CACNA2D1: variants seen among roughly 807,000 people sequenced by gnomAD.
CACNA2D1 encodes calcium voltage-gated channel auxiliary subunit alpha2delta 1, also known as voltage-dependent calcium channel subunit alpha-2/delta-1.
In CACNA2D1, 53 loss-of-function variants were observed where a neutral mutation model predicts 171.5. The observed-to-expected ratio is 0.31, with a 90% CI of 0.25 to 0.39. The LOEUF is 0.39. Ranked by LOEUF, CACNA2D1 falls within the 10% of genes least tolerant of loss-of-function variation. The pLI is 1.00. For synonymous variants in CACNA2D1, 442 were observed against 443.1 expected, an observed-to-expected ratio of 1.00 and a Z score of 0.03; for missense variants, 903 against 1,299.8, an observed-to-expected ratio of 0.69 and a Z score of 4.69.
At chr7:81,979,084 A>G (rs1005977325) in intron 24 of CACNA2D1, among the ~76,000 whole-genome samples, 6 of 152,030 alleles carry the variant, frequency 3.9e-5, no homozygotes, top group African/African-American at 1.4e-4. Context: ...ATGGTCACGT[A>G]TTGTATTGTT....
At chr7:82,014,753 T>C (rs1296454675) in intron 12 of CACNA2D1, among the ~76,000 whole-genome samples, 2 of 152,160 alleles carry the variant, frequency 1.3e-5, no homozygotes, top group Non-Finnish European at 2.9e-5. Context: ...GTTTCATTCA[T>C]AGAAAGTACA....
chr7:82,234,275 T>C (rs1490264550), intron 3 of CACNA2D1, among the ~76,000 whole-genome samples: 1 of 152,104 alleles, frequency 6.6e-6, no homozygotes, highest in Non-Finnish European at 1.5e-5. Flanking sequence ...ATACATAATA[T>C]ATGCTGTGTC....
intron 3 of CACNA2D1, among the ~76,000 whole-genome samples, chr7:82,329,758 G>A (rs966228928): frequency 6.6e-6 from 1 of 151,970 alleles, no homozygotes; most frequent in African/African-American, 2.4e-5. Context: ...CTGAGATATA[G>A]ACGTAGCAAA....
At chr7:82,388,628 G>T (rs1297718540) in intron 1 of CACNA2D1, among the ~76,000 whole-genome samples, 1 of 152,124 alleles carries the variant, frequency 6.6e-6, no homozygotes, top group Non-Finnish European at 1.5e-5. Context: ...GTGGGATTTT[G>T]ATTTCATGTG....
intron 10 of CACNA2D1, among the ~76,000 whole-genome samples, chr7:82,056,216 G>C (rs1468187366): frequency 6.6e-6 from 1 of 151,846 alleles, no homozygotes; most frequent in Non-Finnish European, 1.5e-5. Flanking sequence ...AATATGTTGT[G>C]GAAAATAAGT....
At chr7:82,321,527 A>G (rs375232338) in intron 3 of CACNA2D1, among the ~76,000 whole-genome samples, 21 of 152,330 alleles carry the variant, frequency 1.4e-4, no homozygotes, top group African/African-American at 5.1e-4. Flanking sequence ...TTCAAACACA[A>G]TAACATATCT....
intron 1 of CACNA2D1, among the ~76,000 whole-genome samples, chr7:82,361,576 T>C (rs961765345): frequency 3.3e-5 from 5 of 152,130 alleles, no homozygotes; most frequent in African/African-American, 1.2e-4. Context: ...ATCTTTAATG[T>C]ATTATATGTT....
intron 12 of CACNA2D1, 92 bp from the exon 13 acceptor site, chr7:82,014,571 G>A (rs1800193576): frequency 1.3e-6 from 1 of 748,762 alleles, no homozygotes; most frequent in African/African-American, 1.7e-5. Context: ...TGAAAAGAGT[G>A]CTTTCCAGTT....
At chr7:82,097,127 G>C (rs1021269737) in intron 6 of CACNA2D1, among the ~76,000 whole-genome samples, 3 of 152,090 alleles carry the variant, frequency 2.0e-5, no homozygotes, top group African/African-American at 7.2e-5. Flanking sequence ...CAGTGAACTC[G>C]CTGTACAGGC....
chr7:82,082,467 T>C (rs1024631420), intron 7 of CACNA2D1, among the ~76,000 whole-genome samples: 2 of 152,012 alleles, frequency 1.3e-5, no homozygotes, highest in South Asian at 4.1e-4. Context: ...TCATGTTGAT[T>C]GGTTTGTAAG....
At chr7:82,188,920 G>GA (rs1206894288) in intron 3 of CACNA2D1, among the ~76,000 whole-genome samples, 2 of 152,082 alleles carry the variant, frequency 1.3e-5, no homozygotes, top group African/African-American at 4.8e-5. Context: ...CACAAGAACA[G>GA]AAAACCAAAT....
At chr7:82,432,667 C>T (rs1438025456) in intron 1 of CACNA2D1, among the ~76,000 whole-genome samples, 2 of 152,182 alleles carry the variant, frequency 1.3e-5, no homozygotes, top group Non-Finnish European at 2.9e-5. Flanking sequence ...CTAGAGTTTA[C>T]TGTTTTCTTT....
At position 82,198,834 on chromosome 7, in the gene CACNA2D1, T is replaced by A. The variant is rs75101790; in HGVS notation, c.295-28225A>T. Among the ~76,000 whole-genome samples, 663 of 152,212 alleles carry A rather than the reference T, an allele frequency of 4.4e-3. 12 individuals are homozygous for A. The East Asian group carries it at 0.072, about 17-fold the overall frequency. ...TGTGACCTTCCTTTTTATTAAAAAC[T>A]AATGTGACACAGTTTTTGCAGGTTT... is the stretch of plus-strand genomic sequence containing the variant. On this transcript the variant is annotated intron_variant, in intron 3 of 38. Coordinates refer to ENST00000356860, the MANE Select transcript of CACNA2D1 (RefSeq NM_000722.4).
chr7:82,147,236 T>C (rs1207999983), intron 4 of CACNA2D1, among the ~76,000 whole-genome samples: 1 of 152,050 alleles, frequency 6.6e-6, no homozygotes, highest in Non-Finnish European at 1.5e-5. Flanking sequence ...GATCAATTCT[T>C]ATTAAACATT....
chr7:82,306,105 G>C (rs1813697660), intron 3 of CACNA2D1, among the ~76,000 whole-genome samples: 1 of 152,160 alleles, frequency 6.6e-6, no homozygotes, highest in South Asian at 2.1e-4. Context: ...CCCAGAAATA[G>C]TCATGTGTTT....
At chr7:82,369,167 T>G (rs1269313256) in intron 1 of CACNA2D1, among the ~76,000 whole-genome samples, 2 of 152,104 alleles carry the variant, frequency 1.3e-5, no homozygotes, top group Non-Finnish European at 2.9e-5. Flanking sequence ...AGTTTTGCAT[T>G]TCATAGTAAT....
intron 12 of CACNA2D1, among the ~76,000 whole-genome samples, chr7:82,018,634 A>G (rs1800798740): frequency 6.6e-6 from 1 of 152,170 alleles, no homozygotes; most frequent in East Asian, 1.9e-4. Context: ...TTCTGGATTC[A>G]CACATAGTTA....
At chr7:82,283,974 A>G (rs1810447205) in intron 3 of CACNA2D1, among the ~76,000 whole-genome samples, 1 of 152,116 alleles carries the variant, frequency 6.6e-6, no homozygotes. Flanking sequence ...GAAAGCATAA[A>G]TTAAAAGAAA....
chr7:82,397,978 C>G (rs896737889), intron 1 of CACNA2D1, among the ~76,000 whole-genome samples: 2 of 152,074 alleles, frequency 1.3e-5, no homozygotes, highest in African/African-American at 4.8e-5. Context: ...ATATTAAGAA[C>G]CTGGTGAGAG....
Sources: allele counts gnomAD v4.1 joint callset (sites outside exome capture counted in the v4.1 genomes callset), GRCh38; gene constraint gnomAD v4.1.1; transcripts MANE v1.5; gene names NCBI Gene and HGNC (gene_info 2026-07-23, HGNC 2026-07-21).